CDH20: variants seen among roughly 807,000 people sequenced by gnomAD.
CDH20 encodes cadherin-20.
CDH20 carries 29 observed loss-of-function variants against 74.2 expected under a neutral mutation model. That is an observed-to-expected ratio of 0.39 (90% CI 0.29 to 0.53). The LOEUF (loss-of-function observed/expected upper bound fraction) is 0.53. CDH20 is among the 20% of genes least tolerant of loss of function. The pLI, the probability that CDH20 is intolerant of heterozygous loss-of-function variation, is 0.69. For missense variants in CDH20, 988 were observed against 1,048.3 expected (o/e 0.94, Z 0.79); for synonymous variants, 469 against 405.4 (o/e 1.16, Z -1.88).
chr18:61,515,859 C>A (rs1016425061), intron 6 of CDH20, among the ~76,000 whole-genome samples: 7 of 151,216 alleles, frequency 4.6e-5, no homozygotes, highest in African/African-American at 1.7e-4. Flanking sequence ...AGCGCACCAG[C>A]ATGGCACATG....
intron 9 of CDH20, among the ~76,000 whole-genome samples, chr18:61,540,463 C>T (rs547210208): frequency 5.3e-5 from 8 of 152,148 alleles, no homozygotes; most frequent in East Asian, 1.9e-4. Context: ...CTCACAATCA[C>T]GGTGGAAGGC....
intron 1 of CDH20, among the ~76,000 whole-genome samples, chr18:61,373,758 A>G (rs1911119736): frequency 6.6e-6 from 1 of 152,118 alleles, no homozygotes; most frequent in African/African-American, 2.4e-5. Context: ...ATCTGGGACC[A>G]ACTGAGACCC....
intron 1 of CDH20, among the ~76,000 whole-genome samples, chr18:61,391,357 A>G (rs1488752285): frequency 1.3e-5 from 2 of 152,186 alleles, no homozygotes; most frequent in Non-Finnish European, 2.9e-5. Context: ...CTTATGCACT[A>G]TTAGTGAGAG....
chr18:61,538,578 C>CTTTGTTTTT (rs1555684264), intron 8 of CDH20, among the ~76,000 whole-genome samples: 1,673 of 34,850 alleles, frequency 0.048, 317 homozygotes, highest in Middle Eastern at 0.12. Context: ...TAAATAACTA[C>CTTTGTTTTT]TTTTTGTTTG....
chr18:61,503,647 G>A (rs1381884409), intron 5 of CDH20, among the ~76,000 whole-genome samples: 1 of 152,228 alleles, frequency 6.6e-6, no homozygotes, highest in Non-Finnish European at 1.5e-5. Flanking sequence ...GAGACCCCTG[G>A]ACATGAAGGG....
chr18:61,548,974 T>A (rs994579107), intron 10 of CDH20, among the ~76,000 whole-genome samples: 2 of 152,242 alleles, frequency 1.3e-5, no homozygotes, highest in African/African-American at 4.8e-5. Flanking sequence ...TTTTTTGTGA[T>A]GTTCTAGACT....
At chr18:61,365,787 A>T (rs1267562518) in intron 1 of CDH20, among the ~76,000 whole-genome samples, 2 of 152,200 alleles carry the variant, frequency 1.3e-5, no homozygotes, top group African/African-American at 4.8e-5. Flanking sequence ...CAAACTTGTA[A>T]GCTACTGAAG....
intron 1 of CDH20, among the ~76,000 whole-genome samples, chr18:61,356,841 C>T (rs1169361124): frequency 6.6e-6 from 1 of 152,170 alleles, no homozygotes; most frequent in Non-Finnish European, 1.5e-5. Context: ...ACATAAACCA[C>T]TAATTAACGT....
intron 6 of CDH20, among the ~76,000 whole-genome samples, chr18:61,524,913 G>A (rs541388314): frequency 1.3e-5 from 2 of 151,346 alleles, no homozygotes; most frequent in East Asian, 1.9e-4. Flanking sequence ...AGAGTGAGAC[G>A]CTGTCTAAAA....
chr18:61,499,559 C>T (rs1220554475), intron 3 of CDH20, 79 bp downstream of exon 3: 7 of 1,100,952 alleles, frequency 6.4e-6, no homozygotes, highest in Non-Finnish European at 9.3e-6. Context: ...CACATGCACA[C>T]ACACATGTAG....
At chr18:61,462,713 CAA>C (rs11299331) in intron 1 of CDH20, among the ~76,000 whole-genome samples, 164 of 84,862 alleles carry the variant, frequency 1.9e-3, no homozygotes, top group Middle Eastern at 7.7e-3. Context: ...GAATATCTTA[CAA>C]AAAAAAAAAG....
At chr18:61,407,528 C>CTTACGCAGT (rs1185541773) in intron 1 of CDH20, among the ~76,000 whole-genome samples, 1 of 152,140 alleles carries the variant, frequency 6.6e-6, no homozygotes, top group Non-Finnish European at 1.5e-5. Context: ...TAACAGGGAC[C>CTTACGCAGT]AAATTACGCA....
chr18:61,485,990 G>A (rs1245332716), intron 1 of CDH20, among the ~76,000 whole-genome samples: 3 of 152,084 alleles, frequency 2.0e-5, no homozygotes, highest in African/African-American at 4.8e-5. Flanking sequence ...GGAGAATGGC[G>A]TGAACCCGGG....
At chr18:61,466,759 C>T (rs78823771) in intron 1 of CDH20, among the ~76,000 whole-genome samples, 1,710 of 152,258 alleles carry the variant, frequency 0.011, 29 homozygotes, top group African/African-American at 0.038. Flanking sequence ...AAGAAATTAG[C>T]GCACAACTAC....
At chr18:61,493,019 G>C (rs975121139) in intron 2 of CDH20, among the ~76,000 whole-genome samples, 2 of 152,178 alleles carry the variant, frequency 1.3e-5, no homozygotes, top group African/African-American at 2.4e-5. Flanking sequence ...ACCTGTAGTA[G>C]TAAATAGTAC....
intron 1 of CDH20, chr18:61,404,797 C>CT (rs71178967): frequency 2.4e-3 from 536 of 223,100 alleles, no homozygotes; most frequent in South Asian, 4.8e-3. Flanking sequence ...AAATTGTCAA[C>CT]TTTTTTTTTT....
chr18:61,477,069 T>TA (rs60019858), intron 1 of CDH20, among the ~76,000 whole-genome samples: 98 of 150,842 alleles, frequency 6.5e-4, no homozygotes, highest in Admixed American at 2.0e-3. Flanking sequence ...ATCGGGGAAT[T>TA]AAAAAAAAAC....
Position 61,545,019 on chromosome 18 carries a change from T to G in CDH20, c.1531-8T>G, listed in dbSNP as rs1913187332. 6.3e-7 allele frequency: 1 copy of G among 1,592,226 alleles called. No homozygotes were observed. Among genetic ancestry groups the G allele is most frequent in the African/African-American group, 1.3e-5 (1 of 74,568 alleles). On this transcript the variant is annotated splice_polypyrimidine_tract_variant and splice_region_variant and intron_variant, in intron 9 of 11. Coordinates refer to ENST00000262717, the MANE Select transcript of CDH20 (RefSeq NM_031891.4). Reference sequence around the variant, plus strand: ...TCCAACTCACCTGATTTCATGTCCCTCCCTCAGCTGATCCAGACAGTGAGT... The same window carrying G: ...TCCAACTCACCTGATTTCATGTCCCGCCCTCAGCTGATCCAGACAGTGAGT...
rs1274331358 is a variant in CDH20, at chr18:61,450,851, CCAT to C, written c.-152-39547_-152-39545del. Reference sequence around the variant, plus strand: ...CTTTGTATTCCATTATATCAATGAACCATCATTTACTTAGCCAATCCTGTGTTG... The same window carrying C: ...CTTTGTATTCCATTATATCAATGAACCATTTACTTAGCCAATCCTGTGTTG... On this transcript the variant is annotated intron_variant, in intron 1 of 11. Coordinates refer to ENST00000262717, the MANE Select transcript of CDH20 (RefSeq NM_031891.4). 1.2e-4 allele frequency among the ~76,000 whole-genome samples: 18 copies of C among 152,110 alleles called. 1 individual carries two copies. The highest frequency in any genetic ancestry group is 3.4e-3 in the Middle Eastern group (1 of 294).
Sources: allele counts gnomAD v4.1 joint callset (sites outside exome capture counted in the v4.1 genomes callset), GRCh38; gene constraint gnomAD v4.1.1; transcripts MANE v1.5; gene names NCBI Gene and HGNC (gene_info 2026-07-23, HGNC 2026-07-21).